Variants in SLC9A2 observed in about 807,000 individuals in gnomAD.
SLC9A2 encodes the protein solute carrier family 9 member A2.
In SLC9A2, 42 loss-of-function variants were observed where a neutral mutation model predicts 71.7. The ratio of observed to expected loss-of-function variants is 0.59; its 90% CI spans 0.46 to 0.76. SLC9A2 has a LOEUF of 0.76. Among genes scored for constraint, SLC9A2 ranks in the 30% least tolerant of loss-of-function variants. The probability of loss-of-function intolerance (pLI) is 0.00; values close to 1 mark genes in which losing one functional copy is unlikely to be tolerated. For synonymous variants in SLC9A2, 396 were observed against 392.5 expected (o/e 1.01, Z -0.10); for missense variants, 829 against 1,017.4 (o/e 0.81, Z 2.52).
chr2:102,621,792 C>T (rs1676142838), intron 1 of SLC9A2, among the ~76,000 whole-genome samples: 1 of 152,176 alleles, frequency 6.6e-6, no homozygotes, highest in African/African-American at 2.4e-5. Flanking sequence ...AAGCAGAGAA[C>T]ACTTCCTCAT....
chr2:102,674,070 T>C (rs1359819786), intron 3 of SLC9A2, among the ~76,000 whole-genome samples: 2 of 152,208 alleles, frequency 1.3e-5, no homozygotes, highest in Non-Finnish European at 2.9e-5. Context: ...ATTACAGGCA[T>C]GAGCCACCAC....
At chr2:102,696,573 C>T (rs1031233651) in intron 7 of SLC9A2, among the ~76,000 whole-genome samples, 2 of 152,084 alleles carry the variant, frequency 1.3e-5, no homozygotes, top group African/African-American at 4.8e-5. Context: ...CACAACAAAA[C>T]CGTCACACAG....
intron 5 of SLC9A2, among the ~76,000 whole-genome samples, chr2:102,692,204 A>C (rs1462774658): frequency 6.6e-6 from 1 of 152,206 alleles, no homozygotes; most frequent in African/African-American, 2.4e-5. Context: ...TACAAATAGA[A>C]CACAAGATGT....
At chr2:102,632,491 A>T (rs1204284465) in intron 1 of SLC9A2, among the ~76,000 whole-genome samples, 1 of 152,110 alleles carries the variant, frequency 6.6e-6, no homozygotes, top group Non-Finnish European at 1.5e-5. Context: ...TAAATGTATG[A>T]GTCATAATTG....
At chr2:102,690,134 A>G (rs1387291918) in intron 5 of SLC9A2, among the ~76,000 whole-genome samples, 1 of 152,168 alleles carries the variant, frequency 6.6e-6, no homozygotes, top group Non-Finnish European at 1.5e-5. Flanking sequence ...ATATTTAGAA[A>G]TCAAGAAAAG....
intron 1 of SLC9A2, among the ~76,000 whole-genome samples, chr2:102,647,286 C>T (rs757449143): frequency 5.9e-5 from 9 of 152,126 alleles, no homozygotes; most frequent in Non-Finnish European, 1.2e-4. Flanking sequence ...TAAATAAGTT[C>T]TTTGAAACCA....
At chr2:102,647,354 A>C (rs1676748270) in intron 1 of SLC9A2, among the ~76,000 whole-genome samples, 1 of 152,216 alleles carries the variant, frequency 6.6e-6, no homozygotes, top group Admixed American at 6.5e-5. Context: ...CAGCATTAAG[A>C]GGGAAATTTG....
intron 11 of SLC9A2, among the ~76,000 whole-genome samples, chr2:102,707,437 G>A (rs566121963): frequency 6.6e-6 from 1 of 152,066 alleles, no homozygotes; most frequent in South Asian, 2.1e-4. Flanking sequence ...ACAGTGGCCC[G>A]TGGTCCCACC....
Position 102,690,509 on chromosome 2 carries a change from G to A in SLC9A2, c.1426-3905G>A, listed in dbSNP as rs116488703. On this transcript the variant is annotated intron_variant, in intron 5 of 11. Coordinates refer to ENST00000233969, the MANE Select transcript of SLC9A2 (RefSeq NM_003048.6). ...AGGATGGTTTTTGTTTCTGATTTTCGAAGATGGGAGCACGTTTGGAGACTG... is the reference window on the plus strand; with the variant it reads ...AGGATGGTTTTTGTTTCTGATTTTCAAAGATGGGAGCACGTTTGGAGACTG... Among the ~76,000 whole-genome samples, 672 of 152,254 alleles carry A rather than the reference G, an allele frequency of 4.4e-3. 10 individuals carry two copies. Among genetic ancestry groups the A allele is most frequent in the Admixed American group, 7.8e-3 (120 of 15,290 alleles).
intron 1 of SLC9A2, among the ~76,000 whole-genome samples, chr2:102,628,413 C>T (rs1676291301): frequency 1.3e-5 from 2 of 152,072 alleles, no homozygotes; most frequent in African/African-American, 4.8e-5. Flanking sequence ...GTTTGATCTT[C>T]ATGGAGCCAA....
chr2:102,665,773 TAAAAAAAAAAAAA>T (rs11426516), intron 3 of SLC9A2, among the ~76,000 whole-genome samples: 1 of 38,770 alleles, frequency 2.6e-5, no homozygotes, highest in Non-Finnish European at 5.0e-5. Context: ...GACTCTGTCT[TAAAAAAAAAAAAA>T]AAAAAAAAAA....
intron 3 of SLC9A2, among the ~76,000 whole-genome samples, chr2:102,678,392 A>G (rs557149925): frequency 1.1e-4 from 17 of 152,140 alleles, no homozygotes; most frequent in African/African-American, 3.9e-4. Flanking sequence ...ATTCAATGAC[A>G]TGAGCTAATA....
intron 1 of SLC9A2, among the ~76,000 whole-genome samples, chr2:102,626,385 C>T (rs1676249571): frequency 6.6e-6 from 1 of 152,206 alleles, no homozygotes; most frequent in Admixed American, 6.5e-5. Flanking sequence ...AAAGCCAAAG[C>T]TGGATCCCTT....
intron 1 of SLC9A2, among the ~76,000 whole-genome samples, chr2:102,636,792 C>A (rs1347759047): frequency 6.6e-6 from 1 of 152,194 alleles, no homozygotes; most frequent in Non-Finnish European, 1.5e-5. Context: ...TCAGCACTGG[C>A]ACGCCCTAGT....
At chr2:102,622,648 G>A (rs182417893) in intron 1 of SLC9A2, among the ~76,000 whole-genome samples, 10 of 152,282 alleles carry the variant, frequency 6.6e-5, no homozygotes, top group African/African-American at 9.6e-5. Context: ...ATCTTTGTGC[G>A]TTTCCAGAAG....
intron 2 of SLC9A2, among the ~76,000 whole-genome samples, chr2:102,664,215 G>T (rs1677094872): frequency 6.6e-6 from 1 of 151,100 alleles, no homozygotes; most frequent in Non-Finnish European, 1.5e-5. Context: ...GGCAGAGATT[G>T]CAGTGAGCTG....
At chr2:102,638,276 G>A (rs1198701134) in intron 1 of SLC9A2, among the ~76,000 whole-genome samples, 1 of 152,210 alleles carries the variant, frequency 6.6e-6, no homozygotes, top group Non-Finnish European at 1.5e-5. Flanking sequence ...GGGACACTTA[G>A]GGACTCAGGA....
At position 102,708,438 on chromosome 2, in the gene SLC9A2, G is replaced by A. The variant is rs772967694; in HGVS notation, c.2388G>A (p.Arg796=). The A allele has an allele frequency of 5.0e-6, 8 of 1,614,174 alleles. No homozygotes were observed. The highest frequency in any genetic ancestry group is 1.3e-5 in the African/African-American group (1 of 75,044). Residue 796 remains arginine, a synonymous_variant, in exon 12 of 12, where the codon AGG becomes AGA. Coordinates refer to ENST00000233969, the MANE Select transcript of SLC9A2 (RefSeq NM_003048.6). ...AGCCGCCACCACGGCTGGTCTGGAG[G>A]GCATCGGAACCTGGAAGCCGGAAAG... ...PPKPPPRLVW[R]ASEPGSRKAR...
intron 1 of SLC9A2, among the ~76,000 whole-genome samples, chr2:102,631,339 G>A (rs73947621): frequency 0.022 from 3,339 of 150,984 alleles, 118 homozygotes; most frequent in African/African-American, 0.077. Context: ...CAATGTAGCT[G>A]TTGGAAATTC....
Sources: allele counts gnomAD v4.1 joint callset (sites outside exome capture counted in the v4.1 genomes callset), GRCh38; gene constraint gnomAD v4.1.1; transcripts MANE v1.5; gene names NCBI Gene and HGNC (gene_info 2026-07-23, HGNC 2026-07-21).